Variants in NCAPD3 observed in about 807,000 individuals in gnomAD.
NCAPD3 encodes the protein condensin-2 complex subunit D3.
NCAPD3 carries 105 observed loss-of-function variants against 182.9 expected under a neutral mutation model. The ratio of observed to expected loss-of-function variants is 0.57; its 90% confidence interval spans 0.49 to 0.68. The LOEUF (loss-of-function observed/expected upper bound fraction) is 0.68, where lower values mean the gene tolerates loss of function less well. Among genes scored for constraint, NCAPD3 ranks in the 30% least tolerant of loss-of-function variants. NCAPD3 has a pLI of 0.00. For synonymous variants in NCAPD3, 815 were observed against 679.9 expected, an observed-to-expected ratio of 1.20 and a Z score of -3.09; for missense variants, 1,944 against 1,837.0, an observed-to-expected ratio of 1.06 and a Z score of -1.07.
chr11:134,162,164 T>C (rs1943601123), intron 27 of NCAPD3, among the ~76,000 whole-genome samples: 1 of 152,150 alleles, frequency 6.6e-6, no homozygotes, highest in Non-Finnish European at 1.5e-5. Context: ...ACATGTTGAG[T>C]AGCTTTTGAC....
At chr11:134,197,363 A>G (rs1422059901) in intron 13 of NCAPD3, among the ~76,000 whole-genome samples, 2 of 139,294 alleles carry the variant, frequency 1.4e-5, no homozygotes, top group Admixed American at 7.9e-5. Flanking sequence ...TGCAACCTCT[A>G]CCTCCCAGGT....
intron 13 of NCAPD3, among the ~76,000 whole-genome samples, chr11:134,196,167 T>C (rs1944624410): frequency 6.6e-6 from 1 of 152,198 alleles, no homozygotes; most frequent in African/African-American, 2.4e-5. Flanking sequence ...ACATTACTAC[T>C]ATTAGCCTTA....
chr11:134,158,920 C>T (rs1006169525), intron 29 of NCAPD3, among the ~76,000 whole-genome samples: 1 of 152,180 alleles, frequency 6.6e-6, no homozygotes, highest in African/African-American at 2.4e-5. Flanking sequence ...TGAGAACATA[C>T]AATCTTTGTC....
chr11:134,151,531 G>C lies in NCAPD3; in HGVS notation c.*1413C>G, dbSNP rs1591813744. On this transcript the variant is annotated 3_prime_UTR_variant, in exon 35 of 35. Transcript: ENST00000534548. ...CAGGTCTGAAAAAGTAGAGAGAAGT[G>C]AAAGTAGAGTCTGGGAAGTAGCTGC... The C allele has an allele frequency of 6.6e-6, 1 of 152,194 alleles. No individual in the cohort carries two copies. The highest frequency in any genetic ancestry group is 1.5e-5 in the Non-Finnish European group (1 of 68,050). The allele number at this position is 152,194 out of a possible 1,614,324, so 9.4% of individuals were successfully genotyped here.
chr11:134,183,360 G>T (rs997039747), intron 19 of NCAPD3, among the ~76,000 whole-genome samples: 2 of 152,158 alleles, frequency 1.3e-5, no homozygotes, highest in African/African-American at 4.8e-5. Context: ...TTGAGATCAG[G>T]AGTTTGAGAC....
intron 17 of NCAPD3, 25 bp from the exon 18 acceptor site, chr11:134,185,025 G>A: frequency 6.5e-7 from 1 of 1,537,800 alleles, no homozygotes; most frequent in Non-Finnish European, 9.0e-7. Flanking sequence ...GGAGGAATAT[G>A]AAGGGAGAAG....
chr11:134,216,629 A>G (rs1448808694), intron 3 of NCAPD3, among the ~76,000 whole-genome samples: 4 of 152,216 alleles, frequency 2.6e-5, no homozygotes, highest in African/African-American at 9.7e-5. Context: ...CATGAGAAGA[A>G]AGGGCAATAT....
At position 134,152,996 on chromosome 11, in the gene NCAPD3, G is replaced by A. The variant is rs1212649181; in HGVS notation, c.4445C>T (p.Pro1482Leu). 5 of 1,587,778 alleles carry A rather than the reference G, an allele frequency of 3.1e-6. No individual in the cohort carries two copies. Among genetic ancestry groups the A allele is most frequent in the East Asian group, 4.5e-5 (2 of 44,496 alleles). ...TCGGAGGGACCTCCTGCTGCAGGCTGGAGTGTCTTTATTCCTGGCGGGAGA... is the reference window on the plus strand; with the variant it reads ...TCGGAGGGACCTCCTGCTGCAGGCTAGAGTGTCTTTATTCCTGGCGGGAGA... ...VRSPARNKDT[P>L]ACSRRSLRKT... The change falls in exon 35 of 35, where the codon CCA becomes CTA. Residue 1482 changes from proline to leucine, a missense_variant. By Grantham distance (98) the Pro-to-Leu change is moderately conservative. This residue lies in a region of NCAPD3 where 1,803 missense variants were observed against 1,674.6 expected (regional missense o/e 1.08). Coordinates refer to ENST00000534548, the MANE Select transcript of NCAPD3 (RefSeq NM_015261.3).
intron 27 of NCAPD3, among the ~76,000 whole-genome samples, chr11:134,163,571 G>A (rs1007437543): frequency 3.3e-5 from 5 of 151,950 alleles, no homozygotes; most frequent in Non-Finnish European, 7.4e-5. Context: ...GTGGTGGCTG[G>A]TGCCTGTAGT....
chr11:134,157,996 C>A lies in NCAPD3; in HGVS notation c.4106G>T (p.Arg1369Leu), dbSNP rs576684126. ...KKAVESKSRHRSRSLGVLPFT... is the reference protein window; with the variant it reads ...KKAVESKSRHLSRSLGVLPFT... ...AGGCAGCACTCCTAAGCTCCGACTC[C>A]GATGCCTGCTCTTTGACTCCACGGC... is the stretch of plus-strand genomic sequence containing the variant. The change falls in exon 31 of 35, where the codon CGG (arginine) becomes CTG (leucine). Residue 1369 changes from arginine to leucine, a missense_variant. Physicochemically the swap from Arg to Leu is moderately radical, Grantham distance 102 (BLOSUM62 -2). This residue lies in a region of NCAPD3 where 1,803 missense variants were observed against 1,674.6 expected (regional missense o/e 1.08). Transcript: ENST00000534548. The A allele has an allele frequency of 2.5e-6, 4 of 1,614,184 alleles. No individual in the cohort carries two copies. The East Asian group carries it at 8.9e-5, about 36-fold the overall frequency.
chr11:134,194,095 C>T lies in NCAPD3; in HGVS notation c.1745G>A (p.Trp582Ter). The change falls in exon 15 of 35, where the codon TGG (tryptophan) becomes TAG (stop). Residue 582 changes from tryptophan (W) to a stop codon, truncating the protein, a stop_gained. Coordinates refer to ENST00000534548, the MANE Select transcript of NCAPD3 (RefSeq NM_015261.3). LOFTEE classifies it high-confidence loss of function. Reference protein sequence around the residue: ...CDVSGMKEDLWILQDQCRDPA... With the variant: ...CDVSGMKEDL ...GTCCCGACACTGGTCCTGCAGAATCCACAGGTCTTCCTTCATGCCTGAGAC... is the reference window on the plus strand; with the variant it reads ...GTCCCGACACTGGTCCTGCAGAATCTACAGGTCTTCCTTCATGCCTGAGAC... The T allele has an allele frequency of 6.2e-7, 1 of 1,614,128 alleles. No individual in the cohort carries two copies. Among genetic ancestry groups the T allele is most frequent in the Non-Finnish European group, 8.5e-7 (1 of 1,179,972 alleles).
chr11:134,204,878 T>C lies in NCAPD3; in HGVS notation c.1089+21A>G, dbSNP rs773619398. 2.5e-6 allele frequency: 4 copies of C among 1,575,986 alleles called. No individual in the cohort carries two copies. The highest frequency in any genetic ancestry group is 1.4e-5 in the African/African-American group (1 of 74,034). On this transcript the variant is annotated intron_variant, in intron 9 of 34. Coordinates refer to ENST00000534548, the MANE Select transcript of NCAPD3 (RefSeq NM_015261.3). The surrounding 1 kb of genome is among the most constrained non-coding windows in gnomAD (Gnocchi z 4.3). Reference sequence around the variant, plus strand: ...ACACGATATACTTCCATGTTATTAATATTACTAAGGCAAACAGTACCTTGG... The same window carrying C: ...ACACGATATACTTCCATGTTATTAACATTACTAAGGCAAACAGTACCTTGG...
chr11:134,169,724 C>A (rs528699244), intron 24 of NCAPD3, among the ~76,000 whole-genome samples: 1 of 152,130 alleles, frequency 6.6e-6, no homozygotes, highest in Non-Finnish European at 1.5e-5. Flanking sequence ...ATTTTCAATG[C>A]CAGATGTAAA....
rs1223101676 is a variant in NCAPD3 at position 134,177,380 on chromosome 11, C to A, written c.2860G>T (p.Asp954Tyr). The A allele has an allele frequency of 1.9e-6, 3 of 1,614,132 alleles. No homozygotes were observed. The African/African-American group carries it at 4.0e-5, about 22-fold the overall frequency. The part of the protein sequence containing the change: ...ALVRELEVCE[D>Y]VAVRNNVIIV... ...ATGACGTTGTTGCGGACAGCCACGT[C>A]CTCACACACCTCGAGCTCTCGCACC... is the stretch of plus-strand genomic sequence containing the variant. The change falls in exon 23 of 35, where the codon GAC (aspartate) becomes TAC (tyrosine). Residue 954 changes from aspartate (D) to tyrosine (Y), a missense_variant. By Grantham distance (160) the Asp-to-Tyr change is radical (BLOSUM62 -3). Transcript: ENST00000534548.
At chr11:134,161,575 C>G (rs185734021) in intron 28 of NCAPD3, among the ~76,000 whole-genome samples, 1 of 152,344 alleles carries the variant, frequency 6.6e-6, no homozygotes, top group Admixed American at 6.5e-5. Context: ...TCTTCACGGC[C>G]CTGGCTGCAC....
rs558758554 is a variant in NCAPD3, at chr11:134,162,583, G to A, written c.3574-692C>T. 4.6e-5 allele frequency among the ~76,000 whole-genome samples: 7 copies of A among 152,290 alleles called. No individual in the cohort carries two copies. The East Asian group carries it at 7.7e-4, about 17-fold the overall frequency. ...TTTTCCTTCTCATTTAAAGTCACTA[G>A]TGTATGTTTCTTCCTTGTAAACTAC... is the stretch of plus-strand genomic sequence containing the variant. On this transcript the variant is annotated intron_variant, in intron 27 of 34. Coordinates refer to ENST00000534548, the MANE Select transcript of NCAPD3 (RefSeq NM_015261.3).
chr11:134,165,983 G>A (rs879069570), intron 27 of NCAPD3, among the ~76,000 whole-genome samples: 1 of 125,252 alleles, frequency 8.0e-6, no homozygotes, highest in Admixed American at 7.9e-5. Flanking sequence ...TCAGTGAGAT[G>A]AGCTTAGGGA....
At chr11:134,175,025 G>C (rs1446936609) in intron 24 of NCAPD3, among the ~76,000 whole-genome samples, 2 of 152,182 alleles carry the variant, frequency 1.3e-5, no homozygotes, top group African/African-American at 4.8e-5. Flanking sequence ...GATAGATTAA[G>C]GGGGAAGTGT....
chr11:134,164,145 G>A (rs539867386), intron 27 of NCAPD3, among the ~76,000 whole-genome samples: 35 of 152,264 alleles, frequency 2.3e-4, no homozygotes, highest in African/African-American at 7.7e-4. Context: ...AGGCTAGGAG[G>A]AAAACACAGG....
Sources: gnomAD v4.1 joint callset for allele counts (sites outside exome capture counted in the v4.1 genomes callset) on GRCh38, gnomAD v4.1.1 for gene constraint, gnomAD v4.1.1 regional missense constraint, Gnocchi (gnomAD v3.1) non-coding constraint, MANE v1.5 for transcripts, NCBI Gene and HGNC (gene_info 2026-07-23, HGNC 2026-07-21) for gene names.